TCP11L2: variants seen among roughly 807,000 people sequenced by gnomAD.
TCP11L2 encodes T-complex protein 11-like protein 2.
A neutral mutation model predicts 50.7 loss-of-function variants in TCP11L2; 39 were observed. The observed-to-expected ratio is 0.77, with a 90% CI of 0.60 to 1.01. The LOEUF (loss-of-function observed/expected upper bound fraction) is 1.01. Among genes scored for constraint, TCP11L2 ranks in the 50% least tolerant of loss-of-function variants. The pLI is 0.00. For synonymous variants in TCP11L2, 192 were observed against 219.3 expected (o/e 0.88, Z 1.10); for missense variants, 612 against 614.7 (o/e 1.00, Z 0.05).
At chr12:106,323,732 AT>A (rs2035435937) in intron 6 of TCP11L2, 86 bp downstream of exon 6, 9 of 471,926 alleles carry the variant, frequency 1.9e-5, no homozygotes, top group African/African-American at 2.7e-5. Context: ...ATTAAATTAA[AT>A]TAAATTAAAT....
chr12:106,311,162 G>T lies in TCP11L2; in HGVS notation c.87G>T (p.Ser29=), dbSNP rs766546613. The part of the protein sequence containing the change: ...DSSRFSESMA[S]LSDYECSRQS... ...CCCGGTTTTCCGAAAGCATGGCTTCGCTCAGTGACTATGAATGCTCCAGGC... is the reference window on the plus strand; with the variant it reads ...CCCGGTTTTCCGAAAGCATGGCTTCTCTCAGTGACTATGAATGCTCCAGGC... The change falls in exon 2 of 10, where the codon TCG becomes TCT. Residue 29 remains serine (S), a synonymous_variant. Transcript: ENST00000299045. The T allele has an allele frequency of 7.4e-6, 12 of 1,614,070 alleles. No individual in the cohort carries two copies. The African/African-American group carries it at 1.5e-4, about 20-fold the overall frequency.
intron 9 of TCP11L2, among the ~76,000 whole-genome samples, chr12:106,345,955 C>G (rs1447706685): frequency 2.0e-5 from 3 of 152,130 alleles, no homozygotes; most frequent in Non-Finnish European, 4.4e-5. Flanking sequence ...AAGCCCAGGC[C>G]TATTCTCATG....
At chr12:106,330,093 T>C (rs1397018919) in intron 6 of TCP11L2, 1 of 985,288 alleles carries the variant, frequency 1.0e-6, no homozygotes, top group East Asian at 1.1e-4. Context: ...AACTGTGGTA[T>C]AAAAAGCAAT....
chr12:106,299,863 A>G (rs1290703201), upstream of TCP11L2, among the ~76,000 whole-genome samples: 1 of 152,266 alleles, frequency 6.6e-6, no homozygotes, highest in East Asian at 1.9e-4. Flanking sequence ...AACTGTAATT[A>G]CATTTTTAGA....
At chr12:106,313,587 AAATAAATAAAT>A (rs2034943157) in intron 2 of TCP11L2, among the ~76,000 whole-genome samples, 1 of 148,150 alleles carries the variant, frequency 6.7e-6, no homozygotes, top group Non-Finnish European at 1.5e-5. Flanking sequence ...TCAAAAAAAT[AAATAAATAAAT>A]AAATAAATAA....
chr12:106,328,038 C>T (rs2136751058), intron 6 of TCP11L2, among the ~76,000 whole-genome samples: 1 of 152,312 alleles, frequency 6.6e-6, no homozygotes, highest in African/African-American at 2.4e-5. Flanking sequence ...GACAATACGT[C>T]ATATCTGATC....
At chr12:106,314,640 G>A (rs2035010869) in intron 3 of TCP11L2, 147 bp downstream of exon 3, 2 of 712,890 alleles carry the variant, frequency 2.8e-6, no homozygotes, top group Non-Finnish European at 4.4e-6. Flanking sequence ...ACTGATTCCT[G>A]GAAGTTCTTG....
intron 1 of TCP11L2, among the ~76,000 whole-genome samples, chr12:106,307,932 A>G (rs1470033293): frequency 1.3e-5 from 2 of 152,212 alleles, no homozygotes; most frequent in Non-Finnish European, 2.9e-5. Context: ...CAACCCTATG[A>G]ATTAGGTATT....
chr12:106,307,207 A>G (rs2034667264), intron 1 of TCP11L2: 2 of 152,252 alleles, frequency 1.3e-5, no homozygotes, highest in African/African-American at 4.8e-5. Context: ...AAGAAATGAC[A>G]TTATATTTAT....
At chr12:106,304,252 A>G (rs544970842) in intron 1 of TCP11L2, 1 of 152,448 alleles carries the variant, frequency 6.6e-6, no homozygotes, top group East Asian at 1.9e-4. Flanking sequence ...AAAACAGACC[A>G]GCAAGTGTGG....
chr12:106,314,572 T>TGAGAGA lies in TCP11L2; in HGVS notation c.293+80_293+81insAGAGAG, dbSNP rs1436774196. On this transcript the variant is annotated intron_variant, in intron 3 of 9. Transcript: ENST00000299045. ...GTGTGTGTGTGTGTGTGTGTGTGTG[T>TGAGAGA]GTGTGAGAGAGAGAGAGAGAGAGAG... is the stretch of plus-strand genomic sequence containing the variant. 2.7e-5 allele frequency: 23 copies of TGAGAGA among 841,170 alleles called. No homozygotes were observed. The African/African-American group carries it at 4.9e-4, about 18-fold the overall frequency. The allele number at this position is 841,170 out of a possible 1,614,324, so 52.1% of individuals were successfully genotyped here. A position where few individuals can be genotyped will look rare whatever the true frequency, so the allele number is the denominator to read the frequency against.
At chr12:106,308,986 T>G (rs1482886808) in intron 1 of TCP11L2, among the ~76,000 whole-genome samples, 2 of 152,198 alleles carry the variant, frequency 1.3e-5, no homozygotes, top group African/African-American at 2.4e-5. Flanking sequence ...TACAAGGAAC[T>G]AAGCGCTGTC....
At chr12:106,300,855 C>A (rs1280327510), upstream of TCP11L2, among the ~76,000 whole-genome samples, 1 of 152,210 alleles carries the variant, frequency 6.6e-6, no homozygotes, top group African/African-American at 2.4e-5. Flanking sequence ...AAAGAAGTGT[C>A]ATGCCTAGGA....
Position 106,346,670 on chromosome 12 carries a change from A to C in TCP11L2, c.*140A>C, listed in dbSNP as rs907561065. ...CCAAATCTGTGTAATGGGTAATATT[A>C]GCATTACAGAAGACACACACATCAC... On this transcript the variant is annotated 3_prime_UTR_variant, in exon 10 of 10. Coordinates refer to ENST00000299045, the MANE Select transcript of TCP11L2 (RefSeq NM_152772.3). The C allele has an allele frequency of 9.8e-7, 1 of 1,016,120 alleles. No homozygotes were observed. The highest frequency in any genetic ancestry group is 1.6e-5 in the African/African-American group (1 of 62,014). The allele number at this position is 1,016,120 out of a possible 1,614,324, so 62.9% of individuals were successfully genotyped here. A position where few individuals can be genotyped will look rare whatever the true frequency, so the allele number is the denominator to read the frequency against.
upstream of TCP11L2, among the ~76,000 whole-genome samples, chr12:106,299,120 T>G (rs939899312): frequency 6.6e-6 from 1 of 152,140 alleles, no homozygotes; most frequent in Non-Finnish European, 1.5e-5. Context: ...CCAGCCCATT[T>G]TTTTGCTTTT....
At chr12:106,331,759 G>T (rs1056515594) in intron 6 of TCP11L2, among the ~76,000 whole-genome samples, 3 of 152,188 alleles carry the variant, frequency 2.0e-5, no homozygotes, top group African/African-American at 7.2e-5. Flanking sequence ...AGAGGCCACG[G>T]CTCCCAACTA....
At chr12:106,328,278 G>A (rs2035625739) in intron 6 of TCP11L2, among the ~76,000 whole-genome samples, 1 of 152,228 alleles carries the variant, frequency 6.6e-6, no homozygotes, top group Non-Finnish European at 1.5e-5. Context: ...GGGCGCCATG[G>A]CTTACGCCTG....
intron 9 of TCP11L2, among the ~76,000 whole-genome samples, chr12:106,345,861 A>T (rs2036214585): frequency 6.6e-6 from 1 of 152,166 alleles, no homozygotes; most frequent in South Asian, 2.1e-4. Flanking sequence ...CAGGTGTTTG[A>T]ATGCTGGTTG....
At chr12:106,343,687 C>G (rs1351359492) in intron 9 of TCP11L2, among the ~76,000 whole-genome samples, 1 of 150,420 alleles carries the variant, frequency 6.6e-6, no homozygotes, top group Non-Finnish European at 1.5e-5. Flanking sequence ...TGGAGTCTTG[C>G]TCTGTCGCCC....
Sources: gnomAD v4.1 joint callset for allele counts (sites outside exome capture counted in the v4.1 genomes callset) on GRCh38, gnomAD v4.1.1 for gene constraint, MANE v1.5 for transcripts, NCBI Gene and HGNC (gene_info 2026-07-23, HGNC 2026-07-21) for gene names.